Variants in HPSE2 observed in about 807,000 individuals in gnomAD.
The protein encoded by HPSE2 is heparanase 2 (inactive), also known as inactive heparanase-2.
A neutral mutation model predicts 60.5 loss-of-function variants in HPSE2; 38 were observed. The observed-to-expected ratio is 0.63, with a 90% CI of 0.48 to 0.82. The LOEUF is 0.82. Among genes scored for constraint, HPSE2 ranks in the 40% least tolerant of loss-of-function variants. HPSE2 has a pLI of 0.00. For missense variants in HPSE2, 713 were observed against 740.4 expected (o/e 0.96, Z 0.43); for synonymous variants, 295 against 293.2 (o/e 1.01, Z -0.06).
intron 9 of HPSE2, among the ~76,000 whole-genome samples, chr10:98,569,866 A>G (rs1297078799): frequency 6.6e-6 from 1 of 152,140 alleles, no homozygotes; most frequent in Non-Finnish European, 1.5e-5. Context: ...TGCCCAGGCA[A>G]CCTTCCTGCC....
At chr10:98,938,131 G>C (rs1336392043) in intron 3 of HPSE2, among the ~76,000 whole-genome samples, 2 of 143,456 alleles carry the variant, frequency 1.4e-5, no homozygotes, top group Non-Finnish European at 3.0e-5. Context: ...AAACCACAAA[G>C]ATGGGGAAAA....
chr10:98,732,733 T>C (rs1433699938), intron 4 of HPSE2, among the ~76,000 whole-genome samples: 4 of 152,284 alleles, frequency 2.6e-5, no homozygotes, highest in Middle Eastern at 3.4e-3. Flanking sequence ...GCAAAGATTA[T>C]AGCACCAAAA....
Position 98,472,191 on chromosome 10 carries a change from A to AAT in HPSE2, c.1613+10443_1613+10444dup, listed in dbSNP as rs962594789. On this transcript the variant is annotated intron_variant, in intron 11 of 11. Coordinates refer to ENST00000370552, the MANE Select transcript of HPSE2 (RefSeq NM_021828.5). ...AACCTTAAGTATAAGTATTTTTATAAATATATATATATACTCTTACATATA... is the reference window on the plus strand; with the variant it reads ...AACCTTAAGTATAAGTATTTTTATAAATATATATATATATACTCTTACATATA... Among the ~76,000 whole-genome samples the AAT allele has an allele frequency of 3.9e-3, 587 of 151,134 alleles. 6 individuals carry two copies. The highest frequency in any genetic ancestry group is 0.014 in the African/African-American group (560 of 41,298).
chr10:99,153,726 C>G (rs1227454948), intron 2 of HPSE2, among the ~76,000 whole-genome samples: 1 of 152,254 alleles, frequency 6.6e-6, no homozygotes, highest in Non-Finnish European at 1.5e-5. Context: ...CAGTTCCTCA[C>G]CAGCAACAGA....
In HPSE2 at chr10:98,459,613, C is replaced by T; in HGVS notation, c.1740G>A (p.Val580=). The T allele has an allele frequency of 6.2e-7, 1 of 1,614,046 alleles. No individual in the cohort carries two copies. The highest frequency in any genetic ancestry group is 8.5e-7 in the Non-Finnish European group (1 of 1,179,990). Residue 580 remains valine, a synonymous_variant, in exon 12 of 12, where the codon GTG becomes GTA. Transcript: ENST00000370552. The part of the protein sequence containing the change: ...VIPPVTMGFY[V]VKNVNALACR... ...AGGCCAAAGCATTGACATTCTTGAC[C>T]ACATAAAAGCCCATGGTGACTGGAG...
intron 3 of HPSE2, among the ~76,000 whole-genome samples, chr10:99,112,076 A>C (rs1844484277): frequency 6.6e-6 from 1 of 152,130 alleles, no homozygotes; most frequent in Non-Finnish European, 1.5e-5. Context: ...AAAGGCAAAT[A>C]CTCTAATTCC....
At chr10:98,825,156 A>G (rs1400423773) in intron 3 of HPSE2, among the ~76,000 whole-genome samples, 1 of 152,192 alleles carries the variant, frequency 6.6e-6, no homozygotes, top group Non-Finnish European at 1.5e-5. Flanking sequence ...GAGTTTATCA[A>G]TCCAAGAAGG....
At chr10:98,661,824 C>A (rs899107834) in intron 6 of HPSE2, among the ~76,000 whole-genome samples, 43 of 152,314 alleles carry the variant, frequency 2.8e-4, no homozygotes, top group African/African-American at 1.0e-3. Flanking sequence ...AGTCTAAACT[C>A]TTACACTATG....
chr10:99,148,152 C>T (rs895478023), intron 2 of HPSE2, among the ~76,000 whole-genome samples: 1 of 152,150 alleles, frequency 6.6e-6, no homozygotes, highest in African/African-American at 2.4e-5. Flanking sequence ...CACAGCTGTG[C>T]TACATTCCTT....
At chr10:98,805,408 C>T (rs1490901957) in intron 3 of HPSE2, among the ~76,000 whole-genome samples, 5 of 152,062 alleles carry the variant, frequency 3.3e-5, no homozygotes, top group Non-Finnish European at 7.4e-5. Flanking sequence ...GGATAAAAAT[C>T]TGAGGGGATA....
intron 3 of HPSE2, among the ~76,000 whole-genome samples, chr10:98,803,691 TG>T (rs1422129020): frequency 2.0e-5 from 3 of 150,832 alleles, no homozygotes; most frequent in Non-Finnish European, 4.4e-5. Flanking sequence ...ATCTCTGTTT[TG>T]GTACCAGTAG....
intron 3 of HPSE2, among the ~76,000 whole-genome samples, chr10:98,886,204 T>A (rs904406033): frequency 1.3e-5 from 2 of 152,050 alleles, no homozygotes; most frequent in African/African-American, 4.8e-5. Flanking sequence ...GTTACAAATC[T>A]CCTGCCACAT....
intron 3 of HPSE2, among the ~76,000 whole-genome samples, chr10:98,780,252 A>G (rs1439378129): frequency 2.6e-5 from 4 of 152,178 alleles, no homozygotes; most frequent in Non-Finnish European, 5.9e-5. Context: ...TGCTGATATA[A>G]AAATGAAACC....
intron 3 of HPSE2, among the ~76,000 whole-genome samples, chr10:98,823,403 G>C (rs1297275250): frequency 6.6e-6 from 1 of 152,180 alleles, no homozygotes; most frequent in East Asian, 1.9e-4. Flanking sequence ...AGGACTGCTT[G>C]AGGCCAGGAG....
chr10:98,955,981 G>C (rs1291584599), intron 3 of HPSE2, among the ~76,000 whole-genome samples: 1 of 152,074 alleles, frequency 6.6e-6, no homozygotes, highest in African/African-American at 2.4e-5. Context: ...GAGAGCATCA[G>C]GATAAACAGT....
chr10:98,704,529 T>C (rs1046575312), intron 5 of HPSE2, among the ~76,000 whole-genome samples: 1 of 151,908 alleles, frequency 6.6e-6, no homozygotes. Context: ...GGCTACAGTA[T>C]TTAAAACAGC....
the HPSE2 span, among the ~76,000 whole-genome samples, chr10:99,296,408 C>T: frequency 5.9e-5 from 9 of 152,178 alleles, no homozygotes; most frequent in African/African-American, 1.7e-4. Flanking sequence ...AGAGTTACTG[C>T]CCCTTTCTGC....
upstream of HPSE2, among the ~76,000 whole-genome samples, chr10:99,239,122 G>C (rs1170056723): frequency 6.6e-6 from 1 of 152,064 alleles, no homozygotes; most frequent in Admixed American, 6.6e-5. Context: ...TGGAGCCATT[G>C]CACTCCAGCC....
chr10:98,828,403 A>G (rs1026312997), intron 3 of HPSE2, among the ~76,000 whole-genome samples: 7 of 152,176 alleles, frequency 4.6e-5, no homozygotes, highest in African/African-American at 1.7e-4. Flanking sequence ...AGAACTCATA[A>G]TCGTCTGATT....
Sources: gnomAD v4.1 joint callset for allele counts (sites outside exome capture counted in the v4.1 genomes callset) on GRCh38, gnomAD v4.1.1 for gene constraint, MANE v1.5 for transcripts, NCBI Gene and HGNC (gene_info 2026-07-23, HGNC 2026-07-21) for gene names.